The following PRMT2 variants were observed in gnomAD, a reference collection of about 807,000 sequenced individuals.
PRMT2 encodes protein arginine methyltransferase 2.
Under a neutral mutation model 57.6 loss-of-function variants are expected in PRMT2, and 26 were observed. The observed-to-expected ratio is 0.45, with a 90% CI of 0.33 to 0.63. PRMT2 has a LOEUF of 0.63. Ranked by LOEUF, PRMT2 falls within the 20% of genes least tolerant of loss-of-function variation. The pLI, the probability that PRMT2 is intolerant of heterozygous loss-of-function variation, is 0.02. For synonymous variants in PRMT2, 219 were observed against 220.0 expected (o/e 1.00, Z 0.04); for missense variants, 472 against 564.4 (o/e 0.84, Z 1.66).
At chr21:46,656,307 G>T (rs996712555) in intron 7 of PRMT2, among the ~76,000 whole-genome samples, 1 of 152,140 alleles carries the variant, frequency 6.6e-6, no homozygotes, top group African/African-American at 2.4e-5. Flanking sequence ...GCAGAACCAT[G>T]AGCCAAATAA....
At chr21:46,647,144 A>T (rs1032787561) in intron 5 of PRMT2, among the ~76,000 whole-genome samples, 1 of 152,254 alleles carries the variant, frequency 6.6e-6, no homozygotes, top group African/African-American at 2.4e-5. Flanking sequence ...TTTGATCTTA[A>T]AAGTTAAATA....
intron 3 of PRMT2, among the ~76,000 whole-genome samples, chr21:46,640,201 G>A (rs2061246687): frequency 6.6e-6 from 1 of 152,028 alleles, no homozygotes; most frequent in Admixed American, 6.5e-5. Context: ...TACATATGTT[G>A]TAAACGCCAC....
At chr21:46,661,159 T>C (rs1314470466) in intron 9 of PRMT2, 197 bp downstream of exon 9, 1 of 509,814 alleles carries the variant, frequency 2.0e-6, no homozygotes, top group East Asian at 3.5e-5. Context: ...TTTTACGTTC[T>C]ATTTTGATTC....
chr21:46,654,108 C>T (rs1345758304), intron 7 of PRMT2: 2 of 985,408 alleles, frequency 2.0e-6, no homozygotes, highest in South Asian at 4.7e-5. Context: ...CAGCTGGACC[C>T]AGAGACCAGG....
intron 3 of PRMT2, among the ~76,000 whole-genome samples, chr21:46,643,026 CA>C (rs112297697): frequency 0.045 from 6,504 of 144,280 alleles, 175 homozygotes; most frequent in Non-Finnish European, 0.069. Flanking sequence ...GACTCTGTCT[CA>C]AAAAAAAAAA....
chr21:46,655,842 A>ACC (rs773647460), intron 7 of PRMT2, among the ~76,000 whole-genome samples: 1 of 152,228 alleles, frequency 6.6e-6, no homozygotes, highest in Non-Finnish European at 1.5e-5. Context: ...AGAAGGCTCA[A>ACC]CCTAGTAAAG....
chr21:46,662,404 C>G (rs1044919754), intron 10 of PRMT2, among the ~76,000 whole-genome samples: 19 of 152,218 alleles, frequency 1.2e-4, no homozygotes, highest in Non-Finnish European at 2.9e-5. Context: ...GTGGGGTTGG[C>G]TACCCCGCTC....
chr21:46,650,862 C>A lies in PRMT2; in HGVS notation c.654+1123C>A, dbSNP rs559440423. Among the ~76,000 whole-genome samples the A allele has an allele frequency of 5.9e-5, 9 of 152,320 alleles. No individual in the cohort carries two copies. The East Asian group carries it at 1.2e-3, about 20-fold the overall frequency. On this transcript the variant is annotated intron_variant, in intron 7 of 11. Coordinates refer to ENST00000355680, the MANE Select transcript of PRMT2 (RefSeq NM_206962.4). ...GTAGCCACTGTGTTCACCGTGTTGC[C>A]GTGTTCCAGGGCTGCCCAGTGGCCG...
chr21:46,648,816 G>A lies in PRMT2; in HGVS notation c.489+197G>A, dbSNP rs2245760. Among the ~76,000 whole-genome samples, 111,940 of 152,154 alleles carry A rather than the reference G, an allele frequency of 0.74. 41,478 individuals carry two copies. The highest frequency in any genetic ancestry group is 0.9 in the East Asian group (4,635 of 5,172). ...GTGGAGACCGCGTGCTAGAGGCCGT[G>A]GCGCCCGCGTACAATGAGTCGCAGA... On this transcript the variant is annotated intron_variant, in intron 6 of 11. Coordinates refer to ENST00000355680, the MANE Select transcript of PRMT2 (RefSeq NM_206962.4). This position sits in a 1 kb window ranked among gnomAD's most constrained non-coding sequence, Gnocchi z 4.8.
rs116001621 is a variant in PRMT2, at chr21:46,650,773, G to A, written c.654+1034G>A. ...GGGAAGCCTGGCTGCTGGAGTGTCCGGCTGTGCCCTGGATTGGGTGAGAGG... is the reference window on the plus strand; with the variant it reads ...GGGAAGCCTGGCTGCTGGAGTGTCCAGCTGTGCCCTGGATTGGGTGAGAGG... On this transcript the variant is annotated intron_variant, in intron 7 of 11. Transcript: ENST00000355680. Among the ~76,000 whole-genome samples, 1,044 of 152,286 alleles carry A rather than the reference G, an allele frequency of 6.9e-3. 11 individuals are homozygous for A. The highest frequency in any genetic ancestry group is 0.023 in the African/African-American group (956 of 41,556).
intron 8 of PRMT2, 199 bp downstream of exon 8, chr21:46,659,119 G>A (rs2061583298): frequency 1.5e-6 from 2 of 1,310,814 alleles, no homozygotes; most frequent in African/African-American, 1.5e-5. Flanking sequence ...GGCAGAGCAG[G>A]GTAGAATGCA....
chr21:46,648,278 G>C lies in PRMT2; in HGVS notation c.328-180G>C. The C allele has an allele frequency of 1.7e-6, 1 of 581,888 alleles. No homozygotes were observed. Among genetic ancestry groups the C allele is most frequent in the Non-Finnish European group, 3.0e-6 (1 of 332,272 alleles). The allele number at this position is 581,888 out of a possible 1,614,324, so 36.0% of individuals were successfully genotyped here. On this transcript the variant is annotated intron_variant, in intron 5 of 11. Coordinates refer to ENST00000355680, the MANE Select transcript of PRMT2 (RefSeq NM_206962.4). This position sits in a 1 kb window ranked among gnomAD's most constrained non-coding sequence, Gnocchi z 4.8. The stretch of plus-strand genomic sequence containing the variant: ...TTACTGTTATAAGGGGGTGGGTGAA[G>C]TGTTCTCTAAATACCAATGAGATTA...
intron 1 of PRMT2, 78 bp downstream of exon 1, chr21:46,635,841 G>A (rs1345856188): frequency 6.6e-6 from 1 of 152,386 alleles, no homozygotes; most frequent in East Asian, 1.9e-4. Context: ...TCCTCGCACT[G>A]CGTGTGCGTC....
At position 46,649,679 on chromosome 21, in the gene PRMT2, T is replaced by C. The variant is rs750994185; in HGVS notation, c.594T>C (p.Asp198=). Reference sequence around the variant, plus strand: ...CCGTGTACCAGCAGAAGGTGGAGGATGTGGTGCTGCCCGAGAAGGTGGACG... The same window carrying C: ...CCGTGTACCAGCAGAAGGTGGAGGACGTGGTGCTGCCCGAGAAGGTGGACG... ...IITVYQQKVE[D]VVLPEKVDVL... is the part of the protein sequence containing the mutation. Residue 198 remains aspartate, a synonymous_variant, in exon 7 of 12, where the codon GAT becomes GAC. Transcript: ENST00000355680. The surrounding 1 kb of genome is among the most constrained non-coding windows in gnomAD (Gnocchi z 4.8). 4.3e-5 allele frequency: 69 copies of C among 1,613,692 alleles called. No individual in the cohort carries two copies. In the East Asian group the frequency reaches 1.5e-3, roughly 35 times the overall value.
At chr21:46,637,754 T>G (rs1373356177) in intron 3 of PRMT2, among the ~76,000 whole-genome samples, 1 of 151,276 alleles carries the variant, frequency 6.6e-6, no homozygotes, top group African/African-American at 2.4e-5. Flanking sequence ...GCTATATATA[T>G]GTGTGTGTAT....
intron 7 of PRMT2, chr21:46,654,055 G>GAGGA (rs2061504061): frequency 1.0e-6 from 1 of 988,732 alleles, no homozygotes; most frequent in African/African-American, 1.7e-5. Context: ...GAGGAAGGAG[G>GAGGA]AGGAGCTGGT....
chr21:46,663,701 C>G, intron 11 of PRMT2, 147 bp downstream of exon 11: 3 of 827,850 alleles, frequency 3.6e-6, no homozygotes, highest in Admixed American at 2.9e-5. Context: ...ACAGAAAGCG[C>G]CTGTTGTCAT....
intron 5 of PRMT2, 149 bp downstream of exon 5, chr21:46,644,637 G>A: frequency 1.4e-6 from 1 of 703,430 alleles, no homozygotes; most frequent in East Asian, 3.1e-5. Flanking sequence ...TTGTGTGGAA[G>A]CCACTGTGGA....
chr21:46,637,799 ATG>A (rs1569147389), intron 3 of PRMT2, among the ~76,000 whole-genome samples: 6 of 152,002 alleles, frequency 3.9e-5, no homozygotes, highest in Non-Finnish European at 7.4e-5. Context: ...GTATATATAT[ATG>A]TATATGTAAA....
Sources: allele counts gnomAD v4.1 joint callset (sites outside exome capture counted in the v4.1 genomes callset), GRCh38; gene constraint gnomAD v4.1.1; non-coding constraint Gnocchi (gnomAD v3.1); transcripts MANE v1.5; gene names NCBI Gene and HGNC (gene_info 2026-07-23, HGNC 2026-07-21).